The following BRINP3 variants were observed in gnomAD, a reference collection of about 807,000 sequenced individuals.
BRINP3 encodes BMP/retinoic acid inducible neural specific 3.
A neutral mutation model predicts 71.0 loss-of-function variants in BRINP3; 19 were observed. The observed-to-expected ratio is 0.27, with a 90% CI of 0.19 to 0.39. BRINP3 has a LOEUF of 0.39. Ranked by LOEUF, BRINP3 falls within the 10% of genes least tolerant of loss-of-function variation. BRINP3 has a pLI of 1.00. For missense variants in BRINP3, 959 were observed against 940.8 expected, an observed-to-expected ratio of 1.02 and a Z score of -0.25; for synonymous variants, 380 against 337.7, an observed-to-expected ratio of 1.13 and a Z score of -1.37.
intron 6 of BRINP3, among the ~76,000 whole-genome samples, chr1:190,205,017 G>A (rs892962248): frequency 6.0e-5 from 9 of 150,326 alleles, no homozygotes; most frequent in Admixed American, 3.3e-4. Context: ...CAGCCCGGAC[G>A]ATGTATGTAA....
intron 2 of BRINP3, among the ~76,000 whole-genome samples, chr1:190,332,377 G>A (rs1267834145): frequency 2.6e-5 from 4 of 152,030 alleles, no homozygotes; most frequent in Non-Finnish European, 5.9e-5. Context: ...CTGGTATACT[G>A]TATGGCAGCC....
chr1:190,353,635 T>C (rs1668542945), intron 2 of BRINP3, among the ~76,000 whole-genome samples: 1 of 152,036 alleles, frequency 6.6e-6, no homozygotes, highest in South Asian at 2.1e-4. Flanking sequence ...TGTATGTATG[T>C]ATATTTTGGA....
At chr1:190,407,953 T>C (rs146574005) in intron 2 of BRINP3, among the ~76,000 whole-genome samples, 2 of 151,952 alleles carry the variant, frequency 1.3e-5, no homozygotes, top group Admixed American at 1.3e-4. Context: ...CATTGGAATG[T>C]CTTTTATATT....
chr1:190,325,873 C>T (rs1025861743), intron 2 of BRINP3, among the ~76,000 whole-genome samples: 4 of 151,986 alleles, frequency 2.6e-5, no homozygotes, highest in Non-Finnish European at 5.9e-5. Flanking sequence ...TCAAGTGGAT[C>T]CTATTACATT....
chr1:190,279,251 C>T (rs1420023050), intron 3 of BRINP3, among the ~76,000 whole-genome samples: 1 of 151,712 alleles, frequency 6.6e-6, no homozygotes, highest in African/African-American at 2.4e-5. Flanking sequence ...TTCACAGAAT[C>T]AATCTTCACA....
At chr1:190,236,252 T>C (rs965210805) in intron 4 of BRINP3, among the ~76,000 whole-genome samples, 3 of 152,038 alleles carry the variant, frequency 2.0e-5, no homozygotes, top group African/African-American at 7.2e-5. Context: ...GTATTAGTGA[T>C]AACATTCAAA....
intron 4 of BRINP3, among the ~76,000 whole-genome samples, chr1:190,262,946 T>C (rs537036599): frequency 6.6e-6 from 1 of 152,114 alleles, no homozygotes; most frequent in Non-Finnish European, 1.5e-5. Context: ...TGCCACATAC[T>C]TCTCCTGTGG....
At chr1:190,395,376 A>G (rs1377382506) in intron 2 of BRINP3, among the ~76,000 whole-genome samples, 1 of 151,706 alleles carries the variant, frequency 6.6e-6, no homozygotes, top group East Asian at 1.9e-4. Context: ...CTAGAATTTT[A>G]ACAGGAAAAA....
intron 7 of BRINP3, among the ~76,000 whole-genome samples, chr1:190,130,275 C>A (rs925933917): frequency 2.6e-5 from 4 of 151,968 alleles, no homozygotes; most frequent in African/African-American, 4.8e-5. Context: ...TTTGAAAAAT[C>A]AGGAGTCTAC....
intron 2 of BRINP3, among the ~76,000 whole-genome samples, chr1:190,299,020 T>C (rs1215812581): frequency 1.3e-5 from 2 of 152,164 alleles, no homozygotes; most frequent in Admixed American, 1.3e-4. Context: ...CTAATATGTG[T>C]TCATGTTGTA....
At chr1:190,307,241 T>A (rs1379451254) in intron 2 of BRINP3, among the ~76,000 whole-genome samples, 1 of 146,270 alleles carries the variant, frequency 6.8e-6, no homozygotes, top group African/African-American at 2.5e-5. Context: ...CGAACTGAGC[T>A]CCTCATTTAA....
rs772136142 is a variant in BRINP3, at chr1:190,098,527, G to A, written c.1792C>T (p.Arg598Trp). 13 of 1,613,988 alleles carry A rather than the reference G, an allele frequency of 8.1e-6. No individual in the cohort carries two copies. The highest frequency in any genetic ancestry group is 4.5e-5 in the East Asian group (2 of 44,882). Residue 598 changes from arginine (R) to tryptophan (W), a missense_variant, in exon 8 of 8, where the codon CGG (arginine) becomes TGG (tryptophan). By Grantham distance (101) the Arg-to-Trp change is moderately radical. Transcript: ENST00000367462. Reference protein sequence around the residue: ...VNENSFPDWERTKLDLPLQCY... With the variant: ...VNENSFPDWEWTKLDLPLQCY... ...TGCAGGGGTAGGTCCAACTTAGTCCGCTCCCAGTCTGGAAAGCTGTTTTCA... is the reference window on the plus strand; with the variant it reads ...TGCAGGGGTAGGTCCAACTTAGTCCACTCCCAGTCTGGAAAGCTGTTTTCA...
At chr1:190,374,705 A>T (rs1456547933) in intron 2 of BRINP3, among the ~76,000 whole-genome samples, 1 of 151,968 alleles carries the variant, frequency 6.6e-6, no homozygotes, top group Non-Finnish European at 1.5e-5. Flanking sequence ...TATAAATAAC[A>T]ATAATAAGAA....
intron 2 of BRINP3, among the ~76,000 whole-genome samples, chr1:190,306,553 G>A (rs2103012981): frequency 6.6e-6 from 1 of 152,030 alleles, no homozygotes; most frequent in African/African-American, 2.4e-5. Flanking sequence ...TAAACTAGGT[G>A]TGGAGGTGGG....
intron 7 of BRINP3, among the ~76,000 whole-genome samples, chr1:190,147,868 T>A (rs748826663): frequency 6.6e-6 from 1 of 152,192 alleles, no homozygotes; most frequent in Non-Finnish European, 1.5e-5. Flanking sequence ...GGTGGCCATG[T>A]CTGCCTTAGG....
At chr1:190,285,576 A>G (rs564392951) in intron 2 of BRINP3, among the ~76,000 whole-genome samples, 3 of 152,126 alleles carry the variant, frequency 2.0e-5, no homozygotes, top group South Asian at 4.1e-4. Flanking sequence ...TCCAGCAAAG[A>G]TTATGGGATT....
intron 2 of BRINP3, among the ~76,000 whole-genome samples, chr1:190,331,056 A>G (rs911287518): frequency 2.0e-5 from 3 of 151,928 alleles, no homozygotes; most frequent in Non-Finnish European, 4.4e-5. Context: ...CAACAGACTC[A>G]GGTAACAAAC....
intron 2 of BRINP3, among the ~76,000 whole-genome samples, chr1:190,326,313 T>A (rs1312146649): frequency 6.6e-6 from 1 of 152,074 alleles, no homozygotes; most frequent in Non-Finnish European, 1.5e-5. Flanking sequence ...AATGAATTAT[T>A]GGCATTCCTG....
intron 2 of BRINP3, among the ~76,000 whole-genome samples, chr1:190,318,965 A>G (rs916193839): frequency 6.6e-6 from 1 of 152,106 alleles, no homozygotes. Context: ...CACTTATTTT[A>G]TGAATTGAAC....
Sources: gnomAD v4.1 joint callset for allele counts (sites outside exome capture counted in the v4.1 genomes callset) on GRCh38, gnomAD v4.1.1 for gene constraint, MANE v1.5 for transcripts, NCBI Gene and HGNC (gene_info 2026-07-23, HGNC 2026-07-21) for gene names.